The following IL1RAPL1 variants were observed in gnomAD, a reference collection of about 807,000 sequenced individuals.
The protein encoded by IL1RAPL1 is interleukin-1 receptor accessory protein-like 1.
IL1RAPL1 carries 3 observed loss-of-function variants against 48.4 expected under a neutral mutation model. The observed-to-expected ratio is 0.06, with a 90% CI of 0.03 to 0.16. IL1RAPL1 has a LOEUF of 0.16. IL1RAPL1 is among the 10% of genes least tolerant of loss of function. The pLI is 1.00. For synonymous variants in IL1RAPL1, 185 were observed against 187.7 expected, an observed-to-expected ratio of 0.99 and a Z score of 0.12; for missense variants, 349 against 530.6, an observed-to-expected ratio of 0.66 and a Z score of 3.36.
At chrX:28,913,644 T>C (rs1923414359) in intron 2 of IL1RAPL1, among the ~76,000 whole-genome samples, 2 of 111,323 alleles carry the variant, frequency 1.8e-5, no homozygotes, top group Admixed American at 9.6e-5. Context: ...TGAGCTATGA[T>C]TGCATCATTG....
rs757264972 is a variant in IL1RAPL1 at position 29,019,660 on chromosome X, A to G, written c.82+230235A>G. Among the ~76,000 whole-genome samples the G allele has an allele frequency of 3.6e-5, 4 of 112,009 alleles. No homozygotes were observed. The East Asian group carries it at 8.4e-4, about 24-fold the overall frequency. ...GTGTTTAAGGTCTGTATAACATCCA[A>G]TTGTACTTGAACTGGTGTTTGGTCT... On this transcript the variant is annotated intron_variant, in intron 2 of 10. Transcript: ENST00000378993.
In IL1RAPL1 at chrX:29,568,891, A is replaced by G. The variant is rs975546; in HGVS notation, c.704-99539A>G. Among the ~76,000 whole-genome samples, 559 of 111,357 alleles carry G rather than the reference A, an allele frequency of 5.0e-3. 2 individuals carry two copies. Among genetic ancestry groups the G allele is most frequent in the Non-Finnish European group, 9.1e-3 (484 of 52,932 alleles). ...AGGATCTGAAGCAGAGTATTTATCCAGCCCAGTGTCACTTGATTAAAATAG... is the reference window on the plus strand; with the variant it reads ...AGGATCTGAAGCAGAGTATTTATCCGGCCCAGTGTCACTTGATTAAAATAG... On this transcript the variant is annotated intron_variant, in intron 5 of 10. Transcript: ENST00000378993.
At chrX:29,473,368 A>G (rs1311833143) in intron 5 of IL1RAPL1, among the ~76,000 whole-genome samples, 2 of 111,203 alleles carry the variant, frequency 1.8e-5, no homozygotes, top group Non-Finnish European at 1.9e-5. Flanking sequence ...AAGCTGCAAT[A>G]TATAAATTTG....
intron 2 of IL1RAPL1, among the ~76,000 whole-genome samples, chrX:29,156,902 A>C (rs2147502374): frequency 8.9e-6 from 1 of 111,987 alleles, no homozygotes; most frequent in Non-Finnish European, 1.9e-5. Flanking sequence ...GGGTTTTGAT[A>C]GCCTTTTACC....
intron 2 of IL1RAPL1, among the ~76,000 whole-genome samples, chrX:29,174,926 T>A (rs1179114085): frequency 2.7e-5 from 3 of 109,529 alleles, no homozygotes; most frequent in Non-Finnish European, 5.7e-5. Flanking sequence ...TACAAAAAAT[T>A]AGCCGGGCGT....
At chrX:29,896,272 A>AGTT (rs1276188622) in intron 6 of IL1RAPL1, among the ~76,000 whole-genome samples, 1 of 112,206 alleles carries the variant, frequency 8.9e-6, no homozygotes, top group Non-Finnish European at 1.9e-5. Flanking sequence ...ATAAATACCA[A>AGTT]GTTAATGGCT....
At chrX:29,243,902 G>T (rs1931465169) in intron 2 of IL1RAPL1, among the ~76,000 whole-genome samples, 2 of 111,188 alleles carry the variant, frequency 1.8e-5, no homozygotes, top group Non-Finnish European at 3.8e-5. Flanking sequence ...TACCTCTAAA[G>T]GGTCTTGAAT....
At chrX:29,526,604 A>T (rs947328989) in intron 5 of IL1RAPL1, among the ~76,000 whole-genome samples, 1 of 112,070 alleles carries the variant, frequency 8.9e-6, no homozygotes, top group Non-Finnish European at 1.9e-5. Flanking sequence ...CAGCTACCAT[A>T]TGCAAAATTA....
intron 2 of IL1RAPL1, among the ~76,000 whole-genome samples, chrX:29,185,140 T>A (rs185544435): frequency 3.0e-3 from 336 of 112,678 alleles, no homozygotes; most frequent in African/African-American, 9.6e-3. Context: ...TTAAAAATTA[T>A]ATTTTTAGGT....
chrX:29,802,767 A>ATATATG (rs1569172614), intron 6 of IL1RAPL1, among the ~76,000 whole-genome samples: 24 of 27,055 alleles, frequency 8.9e-4, no homozygotes, highest in Non-Finnish European at 1.1e-3. Flanking sequence ...ATATATATAT[A>ATATATG]TATATATATA....
Position 28,602,991 on chromosome X carries a change from C to G in IL1RAPL1, c.-25+14944C>G, listed in dbSNP as rs375017348. On this transcript the variant is annotated intron_variant, in intron 1 of 10. Coordinates refer to ENST00000378993, the MANE Select transcript of IL1RAPL1 (RefSeq NM_014271.4). ...TAAATCCTTTCCACTCCAAGAATTA[C>G]AGTACCAGAAATGTGCAATTTGTAT... Among the ~76,000 whole-genome samples the G allele has an allele frequency of 1.2e-4, 13 of 111,601 alleles. No individual in the cohort carries two copies. The South Asian group carries it at 4.9e-3, about 42-fold the overall frequency.
At position 28,966,720 on chromosome X, in the gene IL1RAPL1, A is replaced by C. The variant is rs762907185; in HGVS notation, c.82+177295A>C. 1.1e-4 allele frequency among the ~76,000 whole-genome samples: 12 copies of C among 112,278 alleles called. No individual in the cohort carries two copies. In the East Asian group the frequency reaches 2.5e-3, roughly 24 times the overall value. ...ACTGTTTTATCAAATATTTGGTTCT[A>C]ATATCATCATCTAAATTTTAATGTA... On this transcript the variant is annotated intron_variant, in intron 2 of 10. Transcript: ENST00000378993.
chrX:29,746,035 A>G (rs1928329357), intron 6 of IL1RAPL1, among the ~76,000 whole-genome samples: 1 of 111,645 alleles, frequency 9.0e-6, no homozygotes. Flanking sequence ...ATTTTACATC[A>G]TATTAGTGCA....
At chrX:29,601,389 A>C in intron 5 of IL1RAPL1, among the ~76,000 whole-genome samples, 1 of 112,346 alleles carries the variant, frequency 8.9e-6, no homozygotes, top group Middle Eastern at 4.6e-3. Flanking sequence ...TAAAATACTG[A>C]AATATTAATT....
intron 2 of IL1RAPL1, among the ~76,000 whole-genome samples, chrX:29,203,523 C>G (rs1342811240): frequency 9.2e-6 from 1 of 109,112 alleles, no homozygotes; most frequent in Non-Finnish European, 1.9e-5. Flanking sequence ...GAGTTCGAGA[C>G]CAGCCTGACC....
At chrX:29,927,805 CAATT>C (rs972944052) in intron 8 of IL1RAPL1, among the ~76,000 whole-genome samples, 5 of 104,305 alleles carry the variant, frequency 4.8e-5, no homozygotes, top group Admixed American at 1.1e-4. Flanking sequence ...AGCTAACTCT[CAATT>C]AAGTGTGGTA....
intron 1 of IL1RAPL1, among the ~76,000 whole-genome samples, chrX:28,712,438 A>G (rs1935452601): frequency 9.0e-6 from 1 of 111,163 alleles, no homozygotes; most frequent in Non-Finnish European, 1.9e-5. Flanking sequence ...TGTGATGGAC[A>G]TACAGTGTGA....
intron 3 of IL1RAPL1, among the ~76,000 whole-genome samples, chrX:29,385,474 A>G (rs1047525398): frequency 8.9e-6 from 1 of 112,262 alleles, no homozygotes; most frequent in Non-Finnish European, 1.9e-5. Context: ...AAAGAAAAAG[A>G]AATTCTTTAC....
intron 6 of IL1RAPL1, among the ~76,000 whole-genome samples, chrX:29,677,527 G>A (rs1465837432): frequency 8.9e-6 from 1 of 112,006 alleles, no homozygotes; most frequent in Non-Finnish European, 1.9e-5. Flanking sequence ...TTTTATATAA[G>A]AACCCTTTTG....
Sources: allele counts gnomAD v4.1 joint callset (sites outside exome capture counted in the v4.1 genomes callset), GRCh38; gene constraint gnomAD v4.1.1; transcripts MANE v1.5; gene names NCBI Gene and HGNC (gene_info 2026-07-23, HGNC 2026-07-21).